Variants in PSTPIP1 observed in about 807,000 individuals in gnomAD.
The protein encoded by PSTPIP1 is proline-serine-threonine phosphatase interacting protein 1, also known as proline-serine-threonine phosphatase-interacting protein 1.
PSTPIP1 carries 66 observed loss-of-function variants against 69.6 expected under a neutral mutation model. The ratio of observed to expected loss-of-function variants is 0.95; its 90% CI spans 0.78 to 1.16. The LOEUF is 1.16. PSTPIP1 is among the 50% of genes most tolerant of loss of function. The pLI, the probability that PSTPIP1 is intolerant of heterozygous loss-of-function variation, is 0.00. For synonymous variants in PSTPIP1, 266 were observed against 222.7 expected, an observed-to-expected ratio of 1.19 and a Z score of -1.73; for missense variants, 603 against 557.4, an observed-to-expected ratio of 1.08 and a Z score of -0.82.
At chr15:77,019,722 T>C (rs35075154) in intron 3 of PSTPIP1, among the ~76,000 whole-genome samples, 88,584 of 152,082 alleles carry the variant, frequency 0.58, 28,433 homozygotes, top group Middle Eastern at 0.74. Flanking sequence ...AAGAACATGG[T>C]CTGAGGGCCT....
intron 12 of PSTPIP1, among the ~76,000 whole-genome samples, chr15:77,034,219 T>C (rs1175468482): frequency 6.6e-6 from 1 of 151,922 alleles, no homozygotes; most frequent in Non-Finnish European, 1.5e-5. Context: ...CGCAGCACAA[T>C]GGCTCAGCAA....
intron 1 of PSTPIP1, among the ~76,000 whole-genome samples, chr15:77,001,481 G>C (rs1239960809): frequency 6.6e-6 from 1 of 152,246 alleles, no homozygotes; most frequent in Non-Finnish European, 1.5e-5. Flanking sequence ...CCAGCAAACT[G>C]CTGTGGCTTT....
intron 1 of PSTPIP1, among the ~76,000 whole-genome samples, chr15:77,013,464 G>C (rs559948810): frequency 2.6e-5 from 4 of 152,242 alleles, no homozygotes; most frequent in Admixed American, 2.0e-4. Flanking sequence ...TCATTGCCCT[G>C]GTACTGTTGT....
rs554408944 is a variant in PSTPIP1 at position 77,037,269 on chromosome 15, C to T, written c.*93C>T. On this transcript the variant is annotated 3_prime_UTR_variant, in exon 15 of 15. Transcript: ENST00000558012. Reference sequence around the variant, plus strand: ...CACCTTGCTAGGGCCCAGAACCAAGCGTCCCCCAGCCCCGAGAGGGAGCCT... The same window carrying T: ...CACCTTGCTAGGGCCCAGAACCAAGTGTCCCCCAGCCCCGAGAGGGAGCCT... 829 of 1,472,116 alleles carry T rather than the reference C, an allele frequency of 5.6e-4. 1 individual carries two copies. Among genetic ancestry groups the T allele is most frequent in the Middle Eastern group, 7.2e-4 (3 of 4,144 alleles). 91.2% of individuals were successfully genotyped at this position (1,472,116 alleles called of 1,614,324 possible).
intron 3 of PSTPIP1, 133 bp from the exon 4 acceptor site, chr15:77,025,151 G>A (rs2076249052): frequency 1.0e-6 from 1 of 983,172 alleles, no homozygotes; most frequent in African/African-American, 1.6e-5. Context: ...AGGGTCCCTT[G>A]GTTCTAGAGT....
In PSTPIP1 at chr15:77,037,387, C is replaced by G; in HGVS notation, c.*211C>G. ...TCTCCTGCTCCAGTGTCCGAGTGCT[C>G]AGTTCAGAGGAGGCAAAGGAACAAG... On this transcript the variant is annotated 3_prime_UTR_variant, in exon 15 of 15. Coordinates refer to ENST00000558012, the MANE Select transcript of PSTPIP1 (RefSeq NM_003978.5). 1 of 571,586 alleles carries G rather than the reference C, an allele frequency of 1.7e-6. No individual in the cohort carries two copies. Among genetic ancestry groups the G allele is most frequent in the Non-Finnish European group, 2.9e-6 (1 of 345,890 alleles). 35.4% of individuals were successfully genotyped at this position (571,586 alleles called of 1,614,324 possible). A position where few individuals can be genotyped will look rare whatever the true frequency, so the allele number is the denominator to read the frequency against.
intron 3 of PSTPIP1, among the ~76,000 whole-genome samples, chr15:77,019,588 G>C (rs1237113636): frequency 6.6e-6 from 1 of 152,246 alleles, no homozygotes; most frequent in Non-Finnish European, 1.5e-5. Context: ...GGAGGGCTCT[G>C]AGGAGCCCTT....
chr15:77,011,583 A>G (rs1319968253), intron 1 of PSTPIP1, among the ~76,000 whole-genome samples: 1 of 152,244 alleles, frequency 6.6e-6, no homozygotes, highest in East Asian at 1.9e-4. Context: ...TCTAAAAACT[A>G]AAAGTCTGTC....
At chr15:77,000,520 C>A (rs1309429130) in intron 1 of PSTPIP1, among the ~76,000 whole-genome samples, 1 of 150,892 alleles carries the variant, frequency 6.6e-6, no homozygotes, top group African/African-American at 2.4e-5. Flanking sequence ...CACACACTTT[C>A]TAAAGAAACA....
Position 77,035,812 on chromosome 15 carries a change from G to T in PSTPIP1, c.996G>T (p.Glu332Asp), listed in dbSNP as rs777443039. ...TSLAASAAST[E>D]TLTPTPERNE... Reference sequence around the variant, plus strand: ...TCACCCTGCTCTTAGCGTCCACAGAGACCCTGACCCCCACCCCCGAGCGGA... The same window carrying T: ...TCACCCTGCTCTTAGCGTCCACAGATACCCTGACCCCCACCCCCGAGCGGA... Residue 332 changes from glutamate to aspartate, a missense_variant, in exon 14 of 15, where the codon GAG (glutamate) becomes GAT (aspartate). Transcript: ENST00000558012. 4.4e-6 allele frequency: 7 copies of T among 1,608,108 alleles called. No homozygotes were observed. Among genetic ancestry groups the T allele is most frequent in the Non-Finnish European group, 5.9e-6 (7 of 1,179,466 alleles).
chr15:77,024,401 T>G (rs897612333), intron 3 of PSTPIP1: 2 of 152,074 alleles, frequency 1.3e-5, no homozygotes, highest in African/African-American at 2.4e-5. Flanking sequence ...CTGAGAAGCC[T>G]GCCTGGTGCG....
At chr15:77,030,620 G>A (rs750810720) in intron 9 of PSTPIP1, 39 bp downstream of exon 9, 20 of 1,558,306 alleles carry the variant, frequency 1.3e-5, no homozygotes, top group Middle Eastern at 1.7e-4. Context: ...CCCCAGCTGG[G>A]AAGTGTGAGA....
chr15:77,030,522 A>G lies in PSTPIP1; in HGVS notation c.583A>G (p.Ile195Val), dbSNP rs1038499600. The G allele has an allele frequency of 1.9e-6, 3 of 1,612,590 alleles. No individual in the cohort carries two copies. The highest frequency in any genetic ancestry group is 2.5e-6 in the Non-Finnish European group (3 of 1,179,568). ...TEAERVYRQS[I>V]AQLEKVRAEW... is the part of the protein sequence containing the mutation. The stretch of plus-strand genomic sequence containing the variant: ...TTCAGAGCGGGTATACAGGCAGAGC[A>G]TTGCGCAGCTGGAGAAGGTCCGGGC... The change falls in exon 9 of 15, where the codon ATT becomes GTT. Residue 195 changes from isoleucine to valine, a missense_variant. Coordinates refer to ENST00000558012, the MANE Select transcript of PSTPIP1 (RefSeq NM_003978.5).
At chr15:77,025,711 G>T in intron 5 of PSTPIP1, 107 bp downstream of exon 5, 1 of 856,064 alleles carries the variant, frequency 1.2e-6, no homozygotes, top group Non-Finnish European at 1.8e-6. Context: ...GAGGGCGGCA[G>T]GGGTGGTGGT....
chr15:76,996,883 T>A (rs2075592418), intron 1 of PSTPIP1, among the ~76,000 whole-genome samples: 1 of 152,044 alleles, frequency 6.6e-6, no homozygotes, highest in Admixed American at 6.5e-5. Flanking sequence ...ATGGGGGATG[T>A]GAGTCACCAC....
intron 1 of PSTPIP1, among the ~76,000 whole-genome samples, chr15:77,008,566 C>T (rs1236676364): frequency 6.6e-6 from 1 of 152,138 alleles, no homozygotes; most frequent in Non-Finnish European, 1.5e-5. Context: ...CCCGCCACCA[C>T]ACCCGGCTAA....
At chr15:77,011,191 C>T in intron 1 of PSTPIP1, among the ~76,000 whole-genome samples, 1 of 152,278 alleles carries the variant, frequency 6.6e-6, no homozygotes, top group East Asian at 1.9e-4. Context: ...CCTTCCTCAT[C>T]TTCATGACAG....
At chr15:77,015,294 T>C (rs1327757972) in intron 1 of PSTPIP1, among the ~76,000 whole-genome samples, 1 of 152,216 alleles carries the variant, frequency 6.6e-6, no homozygotes, top group Non-Finnish European at 1.5e-5. Flanking sequence ...CAGGTTGACC[T>C]GCATTCAGAT....
chr15:77,012,915 C>T (rs1275504704), intron 1 of PSTPIP1, among the ~76,000 whole-genome samples: 3 of 152,222 alleles, frequency 2.0e-5, no homozygotes, highest in East Asian at 1.9e-4. Flanking sequence ...CAGCCCATCA[C>T]TCAGCATGTC....
Sources: gnomAD v4.1 joint callset for allele counts (sites outside exome capture counted in the v4.1 genomes callset) on GRCh38, gnomAD v4.1.1 for gene constraint, MANE v1.5 for transcripts, NCBI Gene and HGNC (gene_info 2026-07-23, HGNC 2026-07-21) for gene names.